ADAMTS19: variants seen among roughly 807,000 people sequenced by gnomAD.
ADAMTS19 encodes ADAM metallopeptidase with thrombospondin type 1 motif 19.
Under a neutral mutation model 153.3 loss-of-function variants are expected in ADAMTS19, and 93 were observed. The observed-to-expected ratio is 0.61, with a 90% CI of 0.51 to 0.72. ADAMTS19 has a LOEUF of 0.72. ADAMTS19 is among the 30% of genes least tolerant of loss of function. The pLI, the probability that ADAMTS19 is intolerant of heterozygous loss-of-function variation, is 0.00. For synonymous variants in ADAMTS19, 600 were observed against 556.6 expected (o/e 1.08, Z -1.10); for missense variants, 1,482 against 1,552.1 (o/e 0.95, Z 0.76).
intron 7 of ADAMTS19, among the ~76,000 whole-genome samples, chr5:129,553,439 A>C (rs1174077333): frequency 6.6e-6 from 1 of 152,206 alleles, no homozygotes; most frequent in Non-Finnish European, 1.5e-5. Flanking sequence ...AACACATTTG[A>C]ATAATTGAGT....
At chr5:129,618,113 A>C (rs557323365) in intron 8 of ADAMTS19, among the ~76,000 whole-genome samples, 1 of 152,206 alleles carries the variant, frequency 6.6e-6, no homozygotes, top group African/African-American at 2.4e-5. Flanking sequence ...TAACAAGGGG[A>C]AGATGCAGAG....
chr5:129,709,350 C>G (rs1756330154), intron 21 of ADAMTS19, among the ~76,000 whole-genome samples: 1 of 151,932 alleles, frequency 6.6e-6, no homozygotes, highest in Admixed American at 6.6e-5. Context: ...ATATTGACTA[C>G]TTAGTAATTT....
intron 16 of ADAMTS19, among the ~76,000 whole-genome samples, chr5:129,674,315 A>C (rs575523880): frequency 1.3e-5 from 2 of 151,782 alleles, no homozygotes; most frequent in Non-Finnish European, 2.9e-5. Context: ...ATTTTAACCA[A>C]TGTATTTTTA....
At chr5:129,670,995 C>T (rs906205088) in intron 16 of ADAMTS19, among the ~76,000 whole-genome samples, 2 of 152,164 alleles carry the variant, frequency 1.3e-5, no homozygotes, top group Non-Finnish European at 2.9e-5. Flanking sequence ...TAGAAAGAAA[C>T]ACCATCTATG....
intron 15 of ADAMTS19, among the ~76,000 whole-genome samples, chr5:129,663,806 C>T (rs1482928706): frequency 1.3e-5 from 2 of 152,270 alleles, no homozygotes; most frequent in East Asian, 3.9e-4. Context: ...TAAATTCATT[C>T]TCCTGGGCAT....
chr5:129,706,825 G>A (rs562324980), intron 21 of ADAMTS19, among the ~76,000 whole-genome samples: 6 of 152,136 alleles, frequency 3.9e-5, no homozygotes, highest in Non-Finnish European at 7.4e-5. Flanking sequence ...TAAAACCAAA[G>A]TTCACTAGGG....
intron 21 of ADAMTS19, among the ~76,000 whole-genome samples, chr5:129,725,992 C>T (rs1246059928): frequency 1.3e-5 from 2 of 152,080 alleles, no homozygotes; most frequent in Non-Finnish European, 2.9e-5. Context: ...GACCTTGGGG[C>T]TTATTTTTTG....
chr5:129,475,482 A>G lies in ADAMTS19; in HGVS notation c.747+13725A>G, dbSNP rs373506177. On this transcript the variant is annotated intron_variant, in intron 2 of 22. Coordinates refer to ENST00000274487, the MANE Select transcript of ADAMTS19 (RefSeq NM_133638.6). ...TACTGTATTGATTTATGTAGCTTATAATATTTTTTGAATTTGGGAAATTTA... is the reference window on the plus strand; with the variant it reads ...TACTGTATTGATTTATGTAGCTTATGATATTTTTTGAATTTGGGAAATTTA... Among the ~76,000 whole-genome samples the G allele has an allele frequency of 9.9e-5, 15 of 152,154 alleles. No homozygotes were observed. The East Asian group carries it at 1.5e-3, about 16-fold the overall frequency.
intron 3 of ADAMTS19, among the ~76,000 whole-genome samples, chr5:129,511,814 T>C (rs1751446161): frequency 6.6e-6 from 1 of 151,970 alleles, no homozygotes; most frequent in Admixed American, 6.6e-5. Context: ...GATTCACTTA[T>C]CATATACAAA....
chr5:129,461,833 A>C lies in ADAMTS19; in HGVS notation c.747+76A>C, dbSNP rs950041736. The C allele has an allele frequency of 3.6e-5, 52 of 1,445,786 alleles. No individual in the cohort carries two copies. Among genetic ancestry groups the C allele is most frequent in the Non-Finnish European group, 4.4e-5 (49 of 1,107,614 alleles). The allele number at this position is 1,445,786 out of a possible 1,614,324, so 89.6% of individuals were successfully genotyped here. A position where few individuals can be genotyped will look rare whatever the true frequency, so the allele number is the denominator to read the frequency against. On this transcript the variant is annotated intron_variant, in intron 2 of 22. Coordinates refer to ENST00000274487, the MANE Select transcript of ADAMTS19 (RefSeq NM_133638.6). This position sits in a 1 kb window ranked among gnomAD's most constrained non-coding sequence, Gnocchi z 4.6. ...TTGCCCATAGGTCAGGATGATTTGCATGCACCTTCTCCCCTTTCAGTGTGC... is the reference window on the plus strand; with the variant it reads ...TTGCCCATAGGTCAGGATGATTTGCCTGCACCTTCTCCCCTTTCAGTGTGC...
intron 2 of ADAMTS19, among the ~76,000 whole-genome samples, chr5:129,476,131 T>G (rs1750216439): frequency 6.6e-6 from 1 of 151,920 alleles, no homozygotes; most frequent in Admixed American, 6.6e-5. Context: ...ACAACTTTGG[T>G]CTTTTTCATA....
At chr5:129,548,326 CAA>C (rs368141882) in intron 6 of ADAMTS19, among the ~76,000 whole-genome samples, 1 of 136,122 alleles carries the variant, frequency 7.3e-6, no homozygotes, top group Middle Eastern at 3.6e-3. Context: ...AACAAATTTA[CAA>C]AAAAAAAAAC....
intron 1 of ADAMTS19, 112 bp from the exon 2 acceptor site, chr5:129,460,990 C>G (rs1749627405): frequency 1.6e-6 from 2 of 1,245,166 alleles, no homozygotes; most frequent in African/African-American, 1.6e-5. Context: ...CGGGTGGTCT[C>G]CATTGCATTC....
At chr5:129,647,705 C>T (rs1753129027) in intron 11 of ADAMTS19, 60 bp from the exon 12 acceptor site, 1 of 1,567,042 alleles carries the variant, frequency 6.4e-7, no homozygotes, top group Non-Finnish European at 8.7e-7. Flanking sequence ...CATTATAGGC[C>T]AGCGAATGAT....
At chr5:129,594,436 A>C (rs1463692936) in intron 7 of ADAMTS19, among the ~76,000 whole-genome samples, 3 of 152,164 alleles carry the variant, frequency 2.0e-5, no homozygotes, top group African/African-American at 7.2e-5. Context: ...AATTTGTACC[A>C]ATCAATGGTA....
intron 14 of ADAMTS19, 105 bp from the exon 15 acceptor site, chr5:129,658,512 C>A (rs1338277139): frequency 5.3e-6 from 6 of 1,127,444 alleles, no homozygotes; most frequent in Non-Finnish European, 7.4e-6. Flanking sequence ...ATAAGTTTTA[C>A]AATTAAATAT....
chr5:129,732,316 T>G (rs1757473304), intron 21 of ADAMTS19, among the ~76,000 whole-genome samples: 1 of 152,000 alleles, frequency 6.6e-6, no homozygotes, highest in East Asian at 1.9e-4. Context: ...GCCCTGGAAG[T>G]CCTGGCCAGA....
At chr5:129,631,648 T>G (rs1379095380) in intron 10 of ADAMTS19, among the ~76,000 whole-genome samples, 1 of 151,946 alleles carries the variant, frequency 6.6e-6, no homozygotes, top group Non-Finnish European at 1.5e-5. Context: ...ATATTGTAGT[T>G]TATTATATCT....
intron 13 of ADAMTS19, among the ~76,000 whole-genome samples, chr5:129,651,414 T>C (rs1753308339): frequency 6.6e-6 from 1 of 152,178 alleles, no homozygotes; most frequent in Non-Finnish European, 1.5e-5. Context: ...ACCTGATTTA[T>C]AAGGATATTT....
Sources: allele counts gnomAD v4.1 joint callset (sites outside exome capture counted in the v4.1 genomes callset), GRCh38; gene constraint gnomAD v4.1.1; non-coding constraint Gnocchi (gnomAD v3.1); transcripts MANE v1.5; gene names NCBI Gene and HGNC (gene_info 2026-07-23, HGNC 2026-07-21).